NTSR1: variants seen among roughly 807,000 people sequenced by gnomAD.
NTSR1 encodes the protein neurotensin receptor 1.
In NTSR1, 29 loss-of-function variants were observed where a neutral mutation model predicts 31.2. The observed-to-expected ratio is 0.93, with a 90% CI of 0.69 to 1.27. The LOEUF (loss-of-function observed/expected upper bound fraction) is 1.27, where lower values mean the gene tolerates loss of function less well. Ranked by LOEUF, NTSR1 falls within the 50% of genes most tolerant of loss-of-function variation. The pLI is 0.00. For synonymous variants in NTSR1, 282 were observed against 269.9 expected, an observed-to-expected ratio of 1.04 and a Z score of -0.44; for missense variants, 697 against 595.4, an observed-to-expected ratio of 1.17 and a Z score of -1.78.
intron 1 of NTSR1, among the ~76,000 whole-genome samples, chr20:62,710,554 C>T (rs887391589): frequency 1.3e-5 from 2 of 152,006 alleles, no homozygotes; most frequent in African/African-American, 2.4e-5. Flanking sequence ...ATGGTGGGGA[C>T]GATGTTTCTG....
In NTSR1 at chr20:62,715,840, G is replaced by A. The variant is rs1446520945; in HGVS notation, c.714+5919G>A. 6.6e-6 allele frequency among the ~76,000 whole-genome samples: 1 copy of A among 152,200 alleles called. No individual in the cohort carries two copies. Among genetic ancestry groups the A allele is most frequent in the African/African-American group, 2.4e-5 (1 of 41,454 alleles). On this transcript the variant is annotated intron_variant, in intron 1 of 3. Transcript: ENST00000370501. The surrounding 1 kb of genome is among the most constrained non-coding windows in gnomAD (Gnocchi z 4.7). ...CAGCAGCCCAGGGATCTCCAGGTCT[G>A]TTCTCAGGGGCACTGGGGCTCCCAG...
At chr20:62,734,657 G>T (rs1017537257) in intron 1 of NTSR1, among the ~76,000 whole-genome samples, 1 of 152,218 alleles carries the variant, frequency 6.6e-6, no homozygotes, top group Non-Finnish European at 1.5e-5. Context: ...TGGGCCACAC[G>T]TGGCCACTGG....
Position 62,715,889 on chromosome 20 carries a change from G to C in NTSR1, c.714+5968G>C, listed in dbSNP as rs112925478. 3.1e-3 allele frequency among the ~76,000 whole-genome samples: 468 copies of C among 152,342 alleles called. 5 individuals are homozygous for C. The highest frequency in any genetic ancestry group is 0.011 in the African/African-American group (441 of 41,566). ...AGCTGGTAACATCTGATGATGGGCA[G>C]AGAGGGCCCTGGGCTGAGCAGGGCC... On this transcript the variant is annotated intron_variant, in intron 1 of 3. Coordinates refer to ENST00000370501, the MANE Select transcript of NTSR1 (RefSeq NM_002531.3). This position sits in a 1 kb window ranked among gnomAD's most constrained non-coding sequence, Gnocchi z 4.7.
intron 1 of NTSR1, among the ~76,000 whole-genome samples, chr20:62,747,922 T>C (rs530068506): frequency 1.3e-5 from 2 of 152,330 alleles, no homozygotes; most frequent in East Asian, 3.9e-4. Context: ...ACACCTGTAA[T>C]CCCAGCAGTT....
rs754416393 is a variant in NTSR1, at chr20:62,709,758, G to A, written c.551G>A (p.Arg184His). Residue 184 changes from arginine (R) to histidine (H), a missense_variant, in exon 1 of 4, where the codon CGC (arginine) becomes CAC (histidine). Physicochemically the swap from Arg to His is conservative, Grantham distance 29. Transcript: ENST00000370501. ...GCCAAGACCCTCATGTCCCGAAGCC[G>A]CACCAAGAAGTTCATCAGCGCCATC... ...FKAKTLMSRS[R>H]TKKFISAIWL... 25 of 1,612,934 alleles carry A rather than the reference G, an allele frequency of 1.5e-5. No homozygotes were observed. The highest frequency in any genetic ancestry group is 4.0e-5 in the African/African-American group (3 of 74,936).
chr20:62,720,794 CTAAT>C (rs1988816463), intron 1 of NTSR1, among the ~76,000 whole-genome samples: 1 of 152,032 alleles, frequency 6.6e-6, no homozygotes, highest in African/African-American at 2.4e-5. Flanking sequence ...AAACATCCTC[CTAAT>C]TAATGCTTTA....
intron 2 of NTSR1, among the ~76,000 whole-genome samples, chr20:62,756,332 G>A (rs1989512765): frequency 6.6e-6 from 1 of 152,236 alleles, no homozygotes; most frequent in Admixed American, 6.5e-5. Flanking sequence ...CCTGTGGTGG[G>A]AGGTGCTTGG....
chr20:62,757,765 A>G (rs576516750), intron 2 of NTSR1, among the ~76,000 whole-genome samples: 5 of 151,598 alleles, frequency 3.3e-5, no homozygotes, highest in African/African-American at 9.7e-5. Flanking sequence ...TCTCTGAGCC[A>G]GTGTCTACCT....
chr20:62,708,837 C>G lies in NTSR1; in HGVS notation c.-371C>G. Reference sequence around the variant, plus strand: ...AGTGCGTGCGCTCCTCCCGGCGCCACAAGCTCGCCCCGCGCAGCCCGAGCC... The same window carrying G: ...AGTGCGTGCGCTCCTCCCGGCGCCAGAAGCTCGCCCCGCGCAGCCCGAGCC... On this transcript the variant is annotated 5_prime_UTR_variant, in exon 1 of 4. Transcript: ENST00000370501. This position sits in a 1 kb window ranked among gnomAD's most constrained non-coding sequence, Gnocchi z 5.9. The G allele has an allele frequency of 9.1e-6, 2 of 220,640 alleles. No individual in the cohort carries two copies. Among genetic ancestry groups the G allele is most frequent in the Middle Eastern group, 1.5e-3 (1 of 680 alleles). The allele number at this position is 220,640 out of a possible 1,614,324, so 13.7% of individuals were successfully genotyped here. A position where few individuals can be genotyped will look rare whatever the true frequency, so the allele number is the denominator to read the frequency against.
Position 62,709,233 on chromosome 20 carries a change from G to A in NTSR1, c.26G>A (p.Gly9Glu), listed in dbSNP as rs766828567. 6 of 1,493,402 alleles carry A rather than the reference G, an allele frequency of 4.0e-6. No individual in the cohort carries two copies. In the East Asian group the frequency reaches 1.0e-4, roughly 25 times the overall value. The allele number at this position is 1,493,402 out of a possible 1,614,324, so 92.5% of individuals were successfully genotyped here. A position where few individuals can be genotyped will look rare whatever the true frequency, so the allele number is the denominator to read the frequency against. MRLNSSAP[G>E]TPGTPAADPF... ...ATGCGCCTCAACAGCTCCGCGCCGGGAACCCCGGGCACGCCGGCCGCCGAC... is the reference window on the plus strand; with the variant it reads ...ATGCGCCTCAACAGCTCCGCGCCGGAAACCCCGGGCACGCCGGCCGCCGAC... The change falls in exon 1 of 4, where the codon GGA becomes GAA. Residue 9 changes from glycine to glutamate, a missense_variant. Physicochemically the swap from Gly to Glu is moderately conservative, Grantham distance 98. Coordinates refer to ENST00000370501, the MANE Select transcript of NTSR1 (RefSeq NM_002531.3).
rs148261407 is a variant in NTSR1, at chr20:62,760,745, C to CT, written c.*481dup. On this transcript the variant is annotated 3_prime_UTR_variant, in exon 4 of 4. Coordinates refer to ENST00000370501, the MANE Select transcript of NTSR1 (RefSeq NM_002531.3). ...AGCCCCAGTCCCGCAGGCTCCGTGG[C>CT]TTTGGGCCTCACGTGCAGACCCTGC... 12,827 of 155,846 alleles carry CT rather than the reference C, an allele frequency of 0.082. 1,748 individuals carry two copies. Among genetic ancestry groups the CT allele is most frequent in the African/African-American group, 0.29 (12,037 of 41,482 alleles). The allele number at this position is 155,846 out of a possible 1,614,324, so 9.7% of individuals were successfully genotyped here.
intron 1 of NTSR1, among the ~76,000 whole-genome samples, chr20:62,723,522 G>A (rs544643918): frequency 1.3e-5 from 2 of 152,336 alleles, no homozygotes; most frequent in African/African-American, 2.4e-5. Flanking sequence ...AGTAGGAAGC[G>A]GCTGTCGGGG....
chr20:62,749,692 G>T (rs1600733337), intron 1 of NTSR1, among the ~76,000 whole-genome samples: 1 of 152,114 alleles, frequency 6.6e-6, no homozygotes, highest in Admixed American at 6.5e-5. Flanking sequence ...TTTCTGAAAA[G>T]GTGCTCAACA....
Position 62,754,873 on chromosome 20 carries a change from C to T in NTSR1, c.903C>T (p.Gly301=), listed in dbSNP as rs34864360. 2.5e-3 allele frequency: 3,939 copies of T among 1,600,360 alleles called. 73 individuals carry two copies. In the African/African-American group the frequency reaches 0.044, roughly 18 times the overall value. The part of the protein sequence containing the change: ...EPGRVQALRH[G]VRVLRAVVIA... Reference sequence around the variant, plus strand: ...GCAGGGTCCAGGCCCTGCGGCACGGCGTGCGCGTCCTACGTACGTAACCTC... The same window carrying T: ...GCAGGGTCCAGGCCCTGCGGCACGGTGTGCGCGTCCTACGTACGTAACCTC... The change falls in exon 2 of 4, where the codon GGC becomes GGT. Residue 301 remains glycine (G), a synonymous_variant. Coordinates refer to ENST00000370501, the MANE Select transcript of NTSR1 (RefSeq NM_002531.3).
intron 1 of NTSR1, among the ~76,000 whole-genome samples, chr20:62,731,815 T>G (rs1339714492): frequency 6.6e-6 from 1 of 152,216 alleles, no homozygotes; most frequent in East Asian, 1.9e-4. Flanking sequence ...TGTCTGTTCT[T>G]TAGCCACGAT....
intron 1 of NTSR1, 34 bp downstream of exon 1, chr20:62,709,955 C>T: frequency 6.7e-7 from 1 of 1,485,410 alleles, no homozygotes; most frequent in Non-Finnish European, 9.1e-7. Flanking sequence ...GGGCTCCCCT[C>T]TCCTTCACCC....
chr20:62,739,263 C>T (rs1292156701), intron 1 of NTSR1, among the ~76,000 whole-genome samples: 1 of 152,216 alleles, frequency 6.6e-6, no homozygotes, highest in Non-Finnish European at 1.5e-5. Flanking sequence ...AAGTCTCCCA[C>T]GTCCTATGCT....
chr20:62,711,076 AG>A lies in NTSR1; in HGVS notation c.714+1160del, dbSNP rs1188974746. On this transcript the variant is annotated intron_variant, in intron 1 of 3. Coordinates refer to ENST00000370501, the MANE Select transcript of NTSR1 (RefSeq NM_002531.3). This position sits in a 1 kb window ranked among gnomAD's most constrained non-coding sequence, Gnocchi z 6.4. Reference sequence around the variant, plus strand: ...GGGGGTGAGGGCAGCAGTGCCGGGCAGGGGGTCACCTGTCTGTCACTCCCTG... The same window carrying A: ...GGGGGTGAGGGCAGCAGTGCCGGGCAGGGGTCACCTGTCTGTCACTCCCTG... 1.3e-5 allele frequency among the ~76,000 whole-genome samples: 2 copies of A among 152,138 alleles called. No individual in the cohort carries two copies. The highest frequency in any genetic ancestry group is 4.8e-5 in the African/African-American group (2 of 41,440).
chr20:62,737,446 G>A (rs190933330), intron 1 of NTSR1, among the ~76,000 whole-genome samples: 115 of 152,260 alleles, frequency 7.6e-4, no homozygotes, highest in Non-Finnish European at 9.6e-4. Flanking sequence ...CTTGACTCAC[G>A]GCTGCACCCC....
Sources: allele counts gnomAD v4.1 joint callset (sites outside exome capture counted in the v4.1 genomes callset), GRCh38; gene constraint gnomAD v4.1.1; non-coding constraint Gnocchi (gnomAD v3.1); transcripts MANE v1.5; gene names NCBI Gene and HGNC (gene_info 2026-07-23, HGNC 2026-07-21).